MAGI2: variants seen among roughly 807,000 people sequenced by gnomAD.
MAGI2 encodes the protein membrane associated guanylate kinase, WW and PDZ domain containing 2.
A neutral mutation model predicts 133.3 loss-of-function variants in MAGI2; 35 were observed. That is an observed-to-expected ratio of 0.26 (90% CI 0.20 to 0.35). The LOEUF (loss-of-function observed/expected upper bound fraction) is 0.35, where lower values mean the gene tolerates loss of function less well. Among genes scored for constraint, MAGI2 ranks in the 10% least tolerant of loss-of-function variants. The pLI is 1.00. For missense variants in MAGI2, 1,636 were observed against 1,863.4 expected (o/e 0.88, Z 2.25); for synonymous variants, 729 against 710.6 (o/e 1.03, Z -0.41).
intron 1 of MAGI2, among the ~76,000 whole-genome samples, chr7:79,205,420 A>T (rs946801186): frequency 2.6e-5 from 4 of 151,950 alleles, no homozygotes; most frequent in Non-Finnish European, 5.9e-5. Context: ...GGAGACAAAG[A>T]CTATTCCCAG....
chr7:78,663,559 T>C (rs1295248238), intron 2 of MAGI2, among the ~76,000 whole-genome samples: 3 of 152,152 alleles, frequency 2.0e-5, no homozygotes, highest in African/African-American at 4.8e-5. Flanking sequence ...GTTGGAAATA[T>C]GCTTGTAAGG....
At chr7:78,832,909 A>T (rs1791314873) in intron 2 of MAGI2, among the ~76,000 whole-genome samples, 1 of 152,076 alleles carries the variant, frequency 6.6e-6, no homozygotes, top group Non-Finnish European at 1.5e-5. Flanking sequence ...CTGGGAATGG[A>T]ATGTGACCCT....
intron 2 of MAGI2, among the ~76,000 whole-genome samples, chr7:78,874,659 T>C (rs952987228): frequency 7.9e-5 from 12 of 152,168 alleles, no homozygotes; most frequent in Non-Finnish European, 1.5e-4. Context: ...GAAATCAATC[T>C]ATTAGTCAAT....
intron 1 of MAGI2, among the ~76,000 whole-genome samples, chr7:79,204,718 A>G (rs191182399): frequency 2.8e-4 from 43 of 152,184 alleles, no homozygotes; most frequent in Admixed American, 2.3e-3. Context: ...AAAATACTTC[A>G]ATAAAATAAG....
At chr7:78,751,701 T>C (rs1053481565) in intron 2 of MAGI2, among the ~76,000 whole-genome samples, 2 of 152,212 alleles carry the variant, frequency 1.3e-5, no homozygotes, top group Non-Finnish European at 2.9e-5. Context: ...TTCCTGGAGA[T>C]AACAACTATC....
chr7:79,041,986 T>A (rs1214105770), intron 1 of MAGI2, among the ~76,000 whole-genome samples: 1 of 152,082 alleles, frequency 6.6e-6, no homozygotes, highest in Non-Finnish European at 1.5e-5. Flanking sequence ...ATTAAAAAAA[T>A]TATAAACTAG....
At chr7:78,533,072 G>C (rs1797599999) in intron 3 of MAGI2, among the ~76,000 whole-genome samples, 2 of 151,902 alleles carry the variant, frequency 1.3e-5, no homozygotes, top group South Asian at 2.1e-4. Context: ...CTCCCAAGTA[G>C]CTGGGACTAC....
At chr7:78,972,497 C>T (rs1006401246) in intron 2 of MAGI2, among the ~76,000 whole-genome samples, 50 of 151,900 alleles carry the variant, frequency 3.3e-4, no homozygotes, top group African/African-American at 1.1e-3. Flanking sequence ...TTATCAACAA[C>T]ATAAATTACC....
At chr7:79,443,830 T>A (rs1325294389) in intron 1 of MAGI2, among the ~76,000 whole-genome samples, 4 of 152,156 alleles carry the variant, frequency 2.6e-5, no homozygotes, top group Admixed American at 2.6e-4. Flanking sequence ...AAAATAGATT[T>A]TTAAATATAC....
intron 1 of MAGI2, among the ~76,000 whole-genome samples, chr7:79,437,757 AAGC>A (rs1240646545): frequency 3.3e-5 from 5 of 152,142 alleles, no homozygotes; most frequent in Admixed American, 3.3e-4. Context: ...TAGCTGATAA[AAGC>A]AGCATTGTCA....
At chr7:78,452,561 CT>C (rs1365471245) in intron 6 of MAGI2, among the ~76,000 whole-genome samples, 1 of 151,748 alleles carries the variant, frequency 6.6e-6, no homozygotes, top group Non-Finnish European at 1.5e-5. Context: ...AAAAATGTAC[CT>C]TTTTCTGGGA....
intron 6 of MAGI2, among the ~76,000 whole-genome samples, chr7:78,406,829 G>T (rs1026140953): frequency 3.3e-5 from 5 of 152,056 alleles, no homozygotes; most frequent in Admixed American, 6.6e-5. Context: ...GAGTGAAAGG[G>T]ATGTTCAATG....
chr7:78,754,478 T>C (rs1823762209), intron 2 of MAGI2, among the ~76,000 whole-genome samples: 1 of 152,166 alleles, frequency 6.6e-6, no homozygotes, highest in African/African-American at 2.4e-5. Flanking sequence ...TAAATGTCCA[T>C]TATGATAAAC....
At chr7:78,623,729 AT>A (rs1808000074) in intron 3 of MAGI2, among the ~76,000 whole-genome samples, 1 of 152,268 alleles carries the variant, frequency 6.6e-6, no homozygotes, top group South Asian at 2.1e-4. Context: ...CAACTTCAAA[AT>A]ATTGAGTTCT....
At chr7:79,212,800 A>G (rs189204041) in intron 1 of MAGI2, among the ~76,000 whole-genome samples, 31 of 152,170 alleles carry the variant, frequency 2.0e-4, no homozygotes, top group Middle Eastern at 3.4e-3. Flanking sequence ...GAACAGAACA[A>G]AACAAAACAA....
At chr7:78,398,824 A>T (rs1796594041) in intron 6 of MAGI2, among the ~76,000 whole-genome samples, 1 of 151,880 alleles carries the variant, frequency 6.6e-6, no homozygotes, top group Non-Finnish European at 1.5e-5. Flanking sequence ...GTGTTTAAAA[A>T]TCCTCCTGCT....
intron 21 of MAGI2, among the ~76,000 whole-genome samples, chr7:78,022,069 T>C (rs1158705745): frequency 6.6e-6 from 1 of 152,220 alleles, no homozygotes; most frequent in African/African-American, 2.4e-5. Flanking sequence ...GTCATTTTGC[T>C]ACACCTCAGG....
chr7:78,637,601 T>G (rs1471336458), intron 2 of MAGI2, among the ~76,000 whole-genome samples: 1 of 152,204 alleles, frequency 6.6e-6, no homozygotes, highest in Non-Finnish European at 1.5e-5. Context: ...ATGTTAAAAT[T>G]ACAGCTTGTT....
At chr7:79,001,674 C>T (rs1369277982) in intron 2 of MAGI2, among the ~76,000 whole-genome samples, 1 of 152,138 alleles carries the variant, frequency 6.6e-6, no homozygotes, top group Admixed American at 6.5e-5. Flanking sequence ...CATATTAAAA[C>T]CAAAATAAAC....
Sources: allele counts gnomAD v4.1 joint callset (sites outside exome capture counted in the v4.1 genomes callset), GRCh38; gene constraint gnomAD v4.1.1; transcripts MANE v1.5; gene names NCBI Gene and HGNC (gene_info 2026-07-23, HGNC 2026-07-21).